The following KANK1 variants were observed in gnomAD, a reference collection of about 807,000 sequenced individuals.
KANK1 encodes the protein KN motif and ankyrin repeat domains 1.
KANK1 carries 109 observed loss-of-function variants against 106.2 expected under a neutral mutation model. That is an observed-to-expected ratio of 1.03 (90% CI 0.88 to 1.20). The LOEUF (loss-of-function observed/expected upper bound fraction) is 1.20, where lower values mean the gene tolerates loss of function less well. Among genes scored for constraint, KANK1 ranks in the 50% most tolerant of loss-of-function variants. The pLI, the probability that KANK1 is intolerant of heterozygous loss-of-function variation, is 0.00. For missense variants in KANK1, 2,399 were observed against 1,710.7 expected, an observed-to-expected ratio of 1.40 and a Z score of -7.10; for synonymous variants, 873 against 652.2, an observed-to-expected ratio of 1.34 and a Z score of -5.16.
At chr9:692,080 G>A (rs945094915) in intron 2 of KANK1, among the ~76,000 whole-genome samples, 3 of 133,524 alleles carry the variant, frequency 2.2e-5, no homozygotes, top group African/African-American at 8.1e-5. Context: ...ACTCTAAATA[G>A]CCTGTTTTGT....
chr9:739,015 CCAAAATATACTGTT>C (rs1171844282), intron 8 of KANK1, among the ~76,000 whole-genome samples: 1 of 152,160 alleles, frequency 6.6e-6, no homozygotes, highest in African/African-American at 2.4e-5. Flanking sequence ...ACCATTCTCA[CCAAAATATACTGTT>C]ATTGGGGAAA....
chr9:577,961 A>T (rs1821028556), intron 1 of KANK1, among the ~76,000 whole-genome samples: 1 of 152,162 alleles, frequency 6.6e-6, no homozygotes, highest in African/African-American at 2.4e-5. Context: ...GTTGTTGATC[A>T]TTACCTGTGC....
chr9:574,164 G>A (rs1359809948), intron 1 of KANK1, among the ~76,000 whole-genome samples: 5 of 152,346 alleles, frequency 3.3e-5, no homozygotes, highest in South Asian at 2.1e-4. Flanking sequence ...AGCGCAGCTC[G>A]CACCCACTCT....
At position 738,523 on chromosome 9, in the gene KANK1, C is replaced by T. The variant is rs1249138556; in HGVS notation, c.3553+19C>T. On this transcript the variant is annotated intron_variant, in intron 8 of 11. Transcript: ENST00000382297. ...GATGCCGGTATGTTGGCTGCCCTTCCACCCTCTCTTCTCTAACAGTACTTG... is the reference window on the plus strand; with the variant it reads ...GATGCCGGTATGTTGGCTGCCCTTCTACCCTCTCTTCTCTAACAGTACTTG... The T allele has an allele frequency of 1.9e-6, 3 of 1,587,468 alleles. No homozygotes were observed. In the South Asian group the frequency reaches 3.3e-5, roughly 18 times the overall value.
intron 1 of KANK1, among the ~76,000 whole-genome samples, chr9:584,022 C>G (rs930888276): frequency 2.6e-5 from 4 of 152,034 alleles, no homozygotes; most frequent in African/African-American, 9.7e-5. Context: ...ATATCAGATC[C>G]TCACATTTTC....
chr9:732,124 G>A (rs1028071784), intron 5 of KANK1: 10 of 344,608 alleles, frequency 2.9e-5, no homozygotes, highest in East Asian at 4.9e-5. Context: ...ATGCTAAGCC[G>A]GAGATGCCAT....
intron 3 of KANK1, among the ~76,000 whole-genome samples, chr9:499,614 A>G (rs2058516344): frequency 6.6e-6 from 1 of 152,170 alleles, no homozygotes; most frequent in African/African-American, 2.4e-5. Context: ...GGGCCAGGGA[A>G]GAGGACTCTG....
At chr9:501,322 G>A (rs2058547354), upstream of KANK1, among the ~76,000 whole-genome samples, 1 of 152,066 alleles carries the variant, frequency 6.6e-6, no homozygotes, top group Non-Finnish European at 1.5e-5. Context: ...TCAATAAGGT[G>A]TCTGCCCCCA....
chr9:496,646 T>C (rs1015441409), intron 3 of KANK1, among the ~76,000 whole-genome samples: 6 of 152,244 alleles, frequency 3.9e-5, no homozygotes, highest in Admixed American at 3.9e-4. Flanking sequence ...ACATTTTATA[T>C]GTCTCTCAAG....
intron 3 of KANK1, among the ~76,000 whole-genome samples, chr9:490,390 G>T (rs958697603): frequency 3.3e-5 from 5 of 152,166 alleles, no homozygotes. Context: ...CACACCTGTT[G>T]TCCCAGCTAG....
chr9:727,793 C>G (rs1343404187), intron 3 of KANK1, among the ~76,000 whole-genome samples: 1 of 151,274 alleles, frequency 6.6e-6, no homozygotes, highest in Non-Finnish European at 1.5e-5. Context: ...TTTCAATTAA[C>G]CATATATTAC....
intron 1 of KANK1, among the ~76,000 whole-genome samples, chr9:515,124 A>T (rs1260597968): frequency 4.0e-5 from 6 of 151,658 alleles, no homozygotes; most frequent in African/African-American, 1.5e-4. Context: ...CGGGTGGATC[A>T]TGAGGTCAGG....
chr9:704,589 G>T (rs1216058023), intron 2 of KANK1, among the ~76,000 whole-genome samples: 1 of 152,080 alleles, frequency 6.6e-6, no homozygotes, highest in Non-Finnish European at 1.5e-5. Context: ...CTTTGCCATG[G>T]CCACCCCTAT....
chr9:619,473 G>T (rs1367026707), intron 1 of KANK1, among the ~76,000 whole-genome samples: 2 of 152,118 alleles, frequency 1.3e-5, no homozygotes, highest in Non-Finnish European at 2.9e-5. Context: ...TTTAAATTTT[G>T]AAAACATGGG....
intron 1 of KANK1, among the ~76,000 whole-genome samples, chr9:628,681 C>T (rs976375147): frequency 6.6e-6 from 1 of 152,098 alleles, no homozygotes; most frequent in Admixed American, 6.5e-5. Context: ...TGCCCAGTTC[C>T]CAGGTTGAAA....
chr9:552,418 AGTT>A (rs1285026081), intron 1 of KANK1, among the ~76,000 whole-genome samples: 1 of 152,210 alleles, frequency 6.6e-6, no homozygotes. Context: ...TCTCCTCAGC[AGTT>A]GTTAAACAAT....
chr9:738,340 C>T lies in KANK1; in HGVS notation c.3389C>T (p.Ser1130Leu). The change falls in exon 8 of 12, where the codon TCA becomes TTA. Residue 1130 changes from serine to leucine, a missense_variant. Coordinates refer to ENST00000382297, the MANE Select transcript of KANK1 (RefSeq NM_015158.5). ...TGGTTCCGCGTGTCCAGTCAGAAGT[C>T]AGCCATTCCAGCCATGGTGGGGGAC... Reference protein sequence around the residue: ...HEWFRVSSQKSAIPAMVGDYI... With the variant: ...HEWFRVSSQKLAIPAMVGDYI... 1.9e-6 allele frequency: 3 copies of T among 1,614,120 alleles called. No individual in the cohort carries two copies. The highest frequency in any genetic ancestry group is 2.5e-6 in the Non-Finnish European group (3 of 1,180,012).
At chr9:531,465 A>G (rs2060051506) in intron 1 of KANK1, among the ~76,000 whole-genome samples, 2 of 152,220 alleles carry the variant, frequency 1.3e-5, no homozygotes, top group African/African-American at 4.8e-5. Context: ...TTAATTTGGG[A>G]TCAAGATCGG....
intron 1 of KANK1, among the ~76,000 whole-genome samples, chr9:537,780 G>A (rs2060381753): frequency 6.6e-6 from 1 of 152,222 alleles, no homozygotes; most frequent in Non-Finnish European, 1.5e-5. Flanking sequence ...CTAGGGAGTA[G>A]AGGCCAGAGA....
Sources: allele counts gnomAD v4.1 joint callset (sites outside exome capture counted in the v4.1 genomes callset), GRCh38; gene constraint gnomAD v4.1.1; transcripts MANE v1.5; gene names NCBI Gene and HGNC (gene_info 2026-07-23, HGNC 2026-07-21).